Variants in EHMT1 observed in about 807,000 individuals in gnomAD.
EHMT1 encodes the protein histone-lysine N-methyltransferase EHMT1.
A neutral mutation model predicts 147.2 loss-of-function variants in EHMT1; 15 were observed. That is an observed-to-expected ratio of 0.10 (90% confidence interval 0.07 to 0.16). The LOEUF (loss-of-function observed/expected upper bound fraction) is 0.16. EHMT1 is among the 10% of genes least tolerant of loss of function. The probability of loss-of-function intolerance (pLI) is 1.00; values close to 1 mark genes in which losing one functional copy is unlikely to be tolerated. For missense variants in EHMT1, 1,587 were observed against 1,772.4 expected (o/e 0.90, Z 1.88); for synonymous variants, 795 against 709.6 (o/e 1.12, Z -1.91).
chr9:137,716,736 C>T lies in EHMT1; in HGVS notation c.196C>T (p.His66Tyr). The change falls in exon 3 of 27, where the codon CAT becomes TAT. Residue 66 changes from histidine (H) to tyrosine (Y), a missense_variant. Transcript: ENST00000460843. Reference protein sequence around the residue: ...GSCENSDASSHANAAKHTQDS... With the variant: ...GSCENSDASSYANAAKHTQDS... ...TTGTGAAAACAGCGATGCCAGCAGT[C>T]ATGCAAATGCTGCAAAGCACACTCA... 6.2e-7 allele frequency: 1 copy of T among 1,612,576 alleles called. No individual in the cohort carries two copies. The highest frequency in any genetic ancestry group is 8.5e-7 in the Non-Finnish European group (1 of 1,179,444).
rs1225454981 is a variant in EHMT1, at chr9:137,635,437, GA to G, written c.21+16390del. 1.5e-4 allele frequency among the ~76,000 whole-genome samples: 22 copies of G among 151,336 alleles called. 1 individual carries two copies. The highest frequency in any genetic ancestry group is 1.1e-3 in the Admixed American group (17 of 15,208). On this transcript the variant is annotated intron_variant, in intron 1 of 26. Transcript: ENST00000460843. Reference sequence around the variant, plus strand: ...TCACCATGTTGGACAGGCTGGTCTTGAACTTCTGACCTCGTGATTCGCCCTC... The same window carrying G: ...TCACCATGTTGGACAGGCTGGTCTTGACTTCTGACCTCGTGATTCGCCCTC...
intron 1 of EHMT1, among the ~76,000 whole-genome samples, chr9:137,704,035 C>T (rs577644573): frequency 1.3e-5 from 2 of 152,220 alleles, no homozygotes; most frequent in Non-Finnish European, 2.9e-5. Flanking sequence ...CACATCTTAC[C>T]TGGCCATAAG....
intron 1 of EHMT1, among the ~76,000 whole-genome samples, chr9:137,632,793 A>T (rs944889597): frequency 4.6e-5 from 7 of 152,202 alleles, no homozygotes; most frequent in Non-Finnish European, 7.3e-5. Flanking sequence ...CTTTGATCAT[A>T]TTCCTGGGTA....
At chr9:137,806,711 G>A (rs1395611210) in intron 18 of EHMT1, among the ~76,000 whole-genome samples, 1 of 152,248 alleles carries the variant, frequency 6.6e-6, no homozygotes, top group African/African-American at 2.4e-5. Flanking sequence ...GGGATTACAG[G>A]CGTAAGCCCC....
chr9:137,692,267 C>CTT lies in EHMT1; in HGVS notation c.22-18686_22-18685dup, dbSNP rs11398600. On this transcript the variant is annotated intron_variant, in intron 1 of 26. Transcript: ENST00000460843. ...TTTTCTTTTCTTTCTTTCTTTCTTT[C>CTT]TTTTTTTTTTTTTTTGAGACAGAGC... Among the ~76,000 whole-genome samples, 1,099 of 118,354 alleles carry CTT rather than the reference C, an allele frequency of 9.3e-3. 10 individuals carry two copies. Among genetic ancestry groups the CTT allele is most frequent in the African/African-American group, 0.017 (518 of 31,270 alleles). 77.6% of individuals were successfully genotyped at this position (118,354 alleles called of 152,430 possible). A position where few individuals can be genotyped will look rare whatever the true frequency, so the allele number is the denominator to read the frequency against.
intron 1 of EHMT1, among the ~76,000 whole-genome samples, chr9:137,702,382 G>T (rs751744460): frequency 3.3e-5 from 5 of 152,188 alleles, no homozygotes; most frequent in African/African-American, 4.8e-5. Flanking sequence ...TTGGGTAAAT[G>T]CTTCTGTTCC....
At chr9:137,811,782 T>C (rs1180779855) in intron 19 of EHMT1, among the ~76,000 whole-genome samples, 167 bp downstream of exon 19, 1 of 152,190 alleles carries the variant, frequency 6.6e-6, no homozygotes, top group Non-Finnish European at 1.5e-5. Flanking sequence ...AGAAGTGTCT[T>C]TCCCAGTCCA....
At chr9:137,741,811 T>C (rs1334126308) in intron 4 of EHMT1, among the ~76,000 whole-genome samples, 1 of 152,164 alleles carries the variant, frequency 6.6e-6, no homozygotes, top group Non-Finnish European at 1.5e-5. Flanking sequence ...ATTCTGCTTG[T>C]AAGTGGACCT....
chr9:137,723,568 T>TG (rs1303340568), intron 3 of EHMT1, among the ~76,000 whole-genome samples: 8 of 150,826 alleles, frequency 5.3e-5, no homozygotes, highest in Non-Finnish European at 8.9e-5. Context: ...TCCGTGTCTG[T>TG]GGTTCTGGGC....
At chr9:137,829,700 C>T (rs891389168) in intron 25 of EHMT1, among the ~76,000 whole-genome samples, 4 of 152,262 alleles carry the variant, frequency 2.6e-5, no homozygotes, top group Non-Finnish European at 5.9e-5. Flanking sequence ...GGAGACTGGC[C>T]AACGGCCTGA....
chr9:137,627,182 C>G (rs1169328320), intron 1 of EHMT1, among the ~76,000 whole-genome samples: 1 of 151,648 alleles, frequency 6.6e-6, no homozygotes, highest in Non-Finnish European at 1.5e-5. Context: ...TGGTCTCAAA[C>G]TGCTGACCTC....
At position 137,777,968 on chromosome 9, in the gene EHMT1, C is replaced by G; in HGVS notation, c.2105C>G (p.Ala702Gly). The change falls in exon 13 of 27, where the codon GCT becomes GGT. Residue 702 changes from alanine (A) to glycine (G), a missense_variant. Ala to Gly is a moderately conservative substitution (Grantham distance 60, BLOSUM62 0). Transcript: ENST00000460843. ...GAGGGCTTTGATCCAACGGGACCTG[C>G]TGGGCTTGGGAGGCCAACTCCCGGC... ...VPEGFDPTGP[A>G]GLGRPTPGLS... The G allele has an allele frequency of 6.2e-7, 1 of 1,613,868 alleles. No individual in the cohort carries two copies. The highest frequency in any genetic ancestry group is 8.5e-7 in the Non-Finnish European group (1 of 1,180,024).
intron 25 of EHMT1, among the ~76,000 whole-genome samples, chr9:137,826,146 G>GGGGT (rs1199629601): frequency 3.6e-5 from 5 of 139,826 alleles, no homozygotes; most frequent in African/African-American, 1.0e-4. Context: ...GGGTCCATAG[G>GGGGT]GGGTGGGTGG....
At position 137,694,137 on chromosome 9, in the gene EHMT1, C is replaced by T. The variant is rs113018340; in HGVS notation, c.22-16830C>T. Among the ~76,000 whole-genome samples, 21 of 102,596 alleles carry T rather than the reference C, an allele frequency of 2.0e-4. No individual in the cohort carries two copies. In the East Asian group the frequency reaches 6.2e-3, roughly 30 times the overall value. 67.3% of individuals were successfully genotyped at this position (102,596 alleles called of 152,430 possible). On this transcript the variant is annotated intron_variant, in intron 1 of 26. Coordinates refer to ENST00000460843, the MANE Select transcript of EHMT1 (RefSeq NM_024757.5). ...GATACCCCCACACAGTGGCGCAGGA[C>T]GCTGGCCGATACCCCCACACAGGGG... is the stretch of plus-strand genomic sequence containing the variant.
At position 137,776,267 on chromosome 9, in the gene EHMT1, T is replaced by G. The variant is rs2073482996; in HGVS notation, c.1792-351T>G. Among the ~76,000 whole-genome samples the G allele has an allele frequency of 6.6e-6, 1 of 152,158 alleles. No individual in the cohort carries two copies. On this transcript the variant is annotated intron_variant, in intron 11 of 26. Coordinates refer to ENST00000460843, the MANE Select transcript of EHMT1 (RefSeq NM_024757.5). The surrounding 1 kb of genome is among the most constrained non-coding windows in gnomAD (Gnocchi z 4.4). ...ACCTGCCTGATGCTGTGCCCTGAGG[T>G]GCTGTCGTCTGTCCCTGTCCCTATC... is the stretch of plus-strand genomic sequence containing the variant.
At chr9:137,766,446 C>T (rs1950223136) in intron 10 of EHMT1, among the ~76,000 whole-genome samples, 1 of 152,162 alleles carries the variant, frequency 6.6e-6, no homozygotes, top group African/African-American at 2.4e-5. Context: ...GAAACACCAT[C>T]TCTACTGAAA....
intron 1 of EHMT1, among the ~76,000 whole-genome samples, chr9:137,649,136 C>T (rs140386002): frequency 2.6e-5 from 4 of 152,202 alleles, no homozygotes; most frequent in East Asian, 1.9e-4. Flanking sequence ...CAGATCCACC[C>T]GTGACTTCAG....
At chr9:137,800,168 C>A (rs1322357870) in intron 17 of EHMT1, among the ~76,000 whole-genome samples, 6 of 152,176 alleles carry the variant, frequency 3.9e-5, no homozygotes, top group African/African-American at 1.4e-4. Flanking sequence ...GAGGCTGAGT[C>A]TTCTGCCTTC....
At chr9:137,741,996 GTTGC>G (rs1229677660) in intron 4 of EHMT1, among the ~76,000 whole-genome samples, 2 of 152,216 alleles carry the variant, frequency 1.3e-5, no homozygotes, top group African/African-American at 4.8e-5. Flanking sequence ...AGGGATTTCT[GTTGC>G]TTGAGCACAG....
Sources: gnomAD v4.1 joint callset for allele counts (sites outside exome capture counted in the v4.1 genomes callset) on GRCh38, gnomAD v4.1.1 for gene constraint, Gnocchi (gnomAD v3.1) non-coding constraint, MANE v1.5 for transcripts, NCBI Gene and HGNC (gene_info 2026-07-23, HGNC 2026-07-21) for gene names.